Variants in TJP3 observed in about 807,000 individuals in gnomAD.
TJP3 encodes tight junction protein ZO-3.
TJP3 carries 85 observed loss-of-function variants against 104.2 expected under a neutral mutation model. The observed-to-expected ratio is 0.82, with a 90% CI of 0.68 to 0.98. The LOEUF is 0.98. Ranked by LOEUF, TJP3 falls within the 50% of genes least tolerant of loss-of-function variation. The probability of loss-of-function intolerance (pLI) is 0.00; values close to 1 mark genes in which losing one functional copy is unlikely to be tolerated. For synonymous variants in TJP3, 550 were observed against 550.6 expected, an observed-to-expected ratio of 1.00 and a Z score of 0.02; for missense variants, 1,367 against 1,322.8, an observed-to-expected ratio of 1.03 and a Z score of -0.52.
intron 18 of TJP3, 72 bp from the exon 19 acceptor site, chr19:3,747,722 G>T: frequency 2.1e-6 from 3 of 1,450,586 alleles, no homozygotes; most frequent in Non-Finnish European, 2.7e-6. Context: ...GAGTTTGAAG[G>T]TGGGGGGATG....
At chr19:3,735,209 A>T (rs553919277) in intron 8 of TJP3, among the ~76,000 whole-genome samples, 3 of 151,758 alleles carry the variant, frequency 2.0e-5, no homozygotes, top group East Asian at 3.9e-4. Context: ...TTATTTATTT[A>T]TTTTTTTGGA....
chr19:3,742,982 T>C (rs1225931648), intron 14 of TJP3, among the ~76,000 whole-genome samples: 3 of 147,122 alleles, frequency 2.0e-5, no homozygotes, highest in Non-Finnish European at 4.5e-5. Flanking sequence ...AATAAGTAAA[T>C]AGGCCACGTG....
Position 3,735,901 on chromosome 19 carries a change from A to G in TJP3, c.1093A>G (p.Arg365Gly). 3 of 1,614,182 alleles carry G rather than the reference A, an allele frequency of 1.9e-6. No homozygotes were observed. The highest frequency in any genetic ancestry group is 2.5e-6 in the Non-Finnish European group (3 of 1,180,036). The change falls in exon 10 of 21, where the codon AGA becomes GGA. Residue 365 changes from arginine to glycine, a missense_variant. By Grantham distance (125) the Arg-to-Gly change is moderately radical. Transcript: ENST00000541714. The part of the protein sequence containing the change: ...LPRESSYDIY[R>G]VPSSQSMEDR... ...CAGGGAAAGCAGCTATGACATCTAC[A>G]GAGTGCCCAGCAGTCAGAGCATGGA...
intron 15 of TJP3, among the ~76,000 whole-genome samples, chr19:3,745,344 C>T (rs909777393): frequency 5.9e-5 from 9 of 151,772 alleles, no homozygotes; most frequent in African/African-American, 2.2e-4. Context: ...CAGGTTTCGC[C>T]GTTTGGCCAG....
intron 1 of TJP3, among the ~76,000 whole-genome samples, chr19:3,723,870 A>T (rs2036569552): frequency 6.6e-6 from 1 of 151,140 alleles, no homozygotes; most frequent in Non-Finnish European, 1.5e-5. Flanking sequence ...ATCAGAGAAG[A>T]CTGGTTAGCT....
chr19:3,735,440 C>A, intron 8 of TJP3, 126 bp from the exon 9 acceptor site: 1 of 876,634 alleles, frequency 1.1e-6, no homozygotes, highest in Non-Finnish European at 1.9e-6. Flanking sequence ...CTCAGGTGAT[C>A]TGCCCACCTC....
At chr19:3,734,051 C>G (rs1233641788) in intron 7 of TJP3, 139 bp downstream of exon 7, 2 of 1,209,582 alleles carry the variant, frequency 1.7e-6, no homozygotes, top group African/African-American at 1.5e-5. Context: ...GAAGGCCACA[C>G]AGCAAGTCAA....
At chr19:3,724,411 A>G (rs190125433) in intron 1 of TJP3, among the ~76,000 whole-genome samples, 20 of 152,236 alleles carry the variant, frequency 1.3e-4, no homozygotes, top group South Asian at 2.1e-4. Flanking sequence ...TAGCCAGGAT[A>G]GTCTCGATCT....
chr19:3,720,906 T>TTC (rs1568379110), intron 1 of TJP3, among the ~76,000 whole-genome samples: 3 of 140,918 alleles, frequency 2.1e-5, no homozygotes, highest in African/African-American at 5.4e-5. Context: ...CTTTTCTTTT[T>TTC]TTTTTTTTTT....
At chr19:3,747,723 T>A in intron 18 of TJP3, 71 bp from the exon 19 acceptor site, 1 of 1,450,312 alleles carries the variant, frequency 6.9e-7, no homozygotes, top group South Asian at 1.4e-5. Context: ...AGTTTGAAGG[T>A]GGGGGGATGT....
chr19:3,737,613 C>G (rs2036753955), intron 11 of TJP3, among the ~76,000 whole-genome samples: 4 of 152,156 alleles, frequency 2.6e-5, no homozygotes, highest in East Asian at 1.9e-4. Flanking sequence ...GTTCACTCAC[C>G]AAGTCTCACC....
chr19:3,731,551 T>C (rs2036671282), intron 5 of TJP3, among the ~76,000 whole-genome samples: 1 of 152,094 alleles, frequency 6.6e-6, no homozygotes, highest in Admixed American at 6.6e-5. Context: ...GAGAATTGCT[T>C]AAACCCGGGA....
At chr19:3,720,880 CTTCTTTCCTTCCT>C in intron 1 of TJP3, among the ~76,000 whole-genome samples, 1 of 148,736 alleles carries the variant, frequency 6.7e-6, no homozygotes, top group African/African-American at 2.5e-5. Context: ...CCTTCCTTCC[CTTCTTTCCTTCCT>C]TCCTTTTCTT....
Position 3,726,795 on chromosome 19 carries a change from C to T in TJP3, c.-9-1629C>T, listed in dbSNP as rs150006054. Among the ~76,000 whole-genome samples, 14 of 150,676 alleles carry T rather than the reference C, an allele frequency of 9.3e-5. No individual in the cohort carries two copies. The East Asian group carries it at 2.0e-3, about 22-fold the overall frequency. On this transcript the variant is annotated intron_variant, in intron 1 of 20. Coordinates refer to ENST00000541714, the MANE Select transcript of TJP3 (RefSeq NM_001267560.2). ...GGAGGATTGCTTGAAGCCAGGAGTTCGAGGCTGCAGTGAGCCATAATGGCT... is the reference window on the plus strand; with the variant it reads ...GGAGGATTGCTTGAAGCCAGGAGTTTGAGGCTGCAGTGAGCCATAATGGCT...
At chr19:3,747,678 C>T in intron 18 of TJP3, 116 bp from the exon 19 acceptor site, 1 of 1,279,354 alleles carries the variant, frequency 7.8e-7, no homozygotes, top group African/African-American at 2.1e-5. Flanking sequence ...ACTGAGGCTC[C>T]AGGCTCCAGG....
At chr19:3,722,449 C>T (rs2036550516) in intron 1 of TJP3, among the ~76,000 whole-genome samples, 1 of 151,978 alleles carries the variant, frequency 6.6e-6, no homozygotes, top group South Asian at 2.1e-4. Context: ...TGAACATTCA[C>T]CTCCTACAAG....
At chr19:3,728,354 CTGGGGACCCCCAAG>C (rs1429759611) in intron 1 of TJP3, 56 bp from the exon 2 acceptor site, 1 of 1,612,208 alleles carries the variant, frequency 6.2e-7, no homozygotes, top group South Asian at 1.1e-5. Context: ...CCACCCTGAG[CTGGGGACCCCCAAG>C]TGCTCAGATG....
At chr19:3,724,009 G>A (rs990598988) in intron 1 of TJP3, among the ~76,000 whole-genome samples, 2 of 151,710 alleles carry the variant, frequency 1.3e-5, no homozygotes, top group South Asian at 4.2e-4. Context: ...AGGTTTGGAG[G>A]TGAACTAAGA....
intron 1 of TJP3, among the ~76,000 whole-genome samples, chr19:3,721,179 C>A (rs1175929555): frequency 6.6e-6 from 1 of 152,156 alleles, no homozygotes; most frequent in African/African-American, 2.4e-5. Flanking sequence ...GGATTACAGG[C>A]ATGAGCCACC....
Sources: allele counts gnomAD v4.1 joint callset (sites outside exome capture counted in the v4.1 genomes callset), GRCh38; gene constraint gnomAD v4.1.1; transcripts MANE v1.5; gene names NCBI Gene and HGNC (gene_info 2026-07-23, HGNC 2026-07-21).